Variants in LARP4B observed in about 807,000 individuals in gnomAD.
The protein encoded by LARP4B is la-related protein 4B.
In LARP4B, 12 loss-of-function variants were observed where a neutral mutation model predicts 89.8. The ratio of observed to expected loss-of-function variants is 0.13; its 90% CI spans 0.09 to 0.22. LARP4B has a LOEUF of 0.22. LARP4B is among the 10% of genes least tolerant of loss of function. The pLI is 1.00. For synonymous variants in LARP4B, 367 were observed against 363.3 expected (o/e 1.01, Z -0.12); for missense variants, 757 against 947.7 (o/e 0.80, Z 2.64).
At chr10:875,795 G>A (rs1378040777) in intron 3 of LARP4B, among the ~76,000 whole-genome samples, 3 of 152,104 alleles carry the variant, frequency 2.0e-5, no homozygotes, top group Non-Finnish European at 4.4e-5. Flanking sequence ...GCTGCTGCAC[G>A]GCGGACTGAT....
At chr10:936,662 G>T (rs915598670), upstream of LARP4B, among the ~76,000 whole-genome samples, 1 of 152,214 alleles carries the variant, frequency 6.6e-6, no homozygotes, top group Admixed American at 6.5e-5. Flanking sequence ...GGCTGAGGTT[G>T]CAGTGAGCGA....
At chr10:865,458 G>A (rs536825076) in intron 3 of LARP4B, among the ~76,000 whole-genome samples, 4 of 152,244 alleles carry the variant, frequency 2.6e-5, no homozygotes, top group East Asian at 3.9e-4. Flanking sequence ...CAGCCACAGC[G>A]CCCTCCTGTG....
intron 5 of LARP4B, among the ~76,000 whole-genome samples, chr10:852,699 A>G (rs1834118480): frequency 6.6e-6 from 1 of 152,222 alleles, no homozygotes. Context: ...TTCATTCTAA[A>G]ATAATCCAAT....
At position 863,792 on chromosome 10, in the gene LARP4B, G is replaced by T. The variant is rs761532757; in HGVS notation, c.381C>A (p.Leu127=). 12 of 1,613,946 alleles carry T rather than the reference G, an allele frequency of 7.4e-6. No individual in the cohort carries two copies. Among genetic ancestry groups the T allele is most frequent in the South Asian group, 2.2e-5 (2 of 91,064 alleles). Residue 127 remains leucine (L), a synonymous_variant, in exon 5 of 18, where the codon CTC becomes CTA. Coordinates refer to ENST00000316157, the MANE Select transcript of LARP4B (RefSeq NM_015155.3). ...AGTCATATTCTGAGGGACCCAGAGCGAGAGCGTTCATGTCTGCTGGGTCCG... is the reference window on the plus strand; with the variant it reads ...AGTCATATTCTGAGGGACCCAGAGCTAGAGCGTTCATGTCTGCTGGGTCCG... The part of the protein sequence containing the change: ...QESDPADMNA[L]ALGPSEYDSL...
At chr10:896,352 A>G (rs1454734160) in intron 1 of LARP4B, among the ~76,000 whole-genome samples, 1 of 152,230 alleles carries the variant, frequency 6.6e-6, no homozygotes, top group Non-Finnish European at 1.5e-5. Context: ...ATATTCATTT[A>G]TATGAAATGA....
At chr10:974,613 GC>G in the LARP4B span, among the ~76,000 whole-genome samples, 1 of 152,206 alleles carries the variant, frequency 6.6e-6, no homozygotes, top group South Asian at 2.1e-4. Flanking sequence ...GGAAAGCACT[GC>G]TCTGACCTGG....
In LARP4B at chr10:885,731, T is replaced by C. The variant is rs199522493; in HGVS notation, c.-10A>G. The C allele has an allele frequency of 9.3e-6, 15 of 1,611,718 alleles. No homozygotes were observed. In the Admixed American group the frequency reaches 2.0e-4, roughly 22 times the overall value. On this transcript the variant is annotated 5_prime_UTR_variant, in exon 2 of 18. Transcript: ENST00000316157. Reference sequence around the variant, plus strand: ...CCTGATCAGAAGTCATGGGCTCCACTGGGAGAAGTGTAATGCTAACCTCAG... The same window carrying C: ...CCTGATCAGAAGTCATGGGCTCCACCGGGAGAAGTGTAATGCTAACCTCAG...
chr10:880,034 A>G (rs1430767764), intron 3 of LARP4B, among the ~76,000 whole-genome samples: 2 of 152,018 alleles, frequency 1.3e-5, no homozygotes, highest in Admixed American at 6.6e-5. Flanking sequence ...TCAGCCTCCC[A>G]AAGTGCTGGG....
At chr10:942,340 G>GA in the LARP4B span, 1 of 152,212 alleles carries the variant, frequency 6.6e-6, no homozygotes, top group African/African-American at 2.4e-5. Context: ...ACCTTCCCAG[G>GA]ATCCCGATCC....
the LARP4B span, chr10:971,760 T>C: frequency 2.0e-5 from 3 of 152,418 alleles, no homozygotes; most frequent in African/African-American, 7.2e-5. Context: ...CACATGAGTC[T>C]ATTTGCTGAG....
chr10:977,614 C>T, the LARP4B span, among the ~76,000 whole-genome samples: 45 of 151,690 alleles, frequency 3.0e-4, no homozygotes, highest in African/African-American at 8.0e-4. Flanking sequence ...GGATTATAGG[C>T]GTGAGCCAAC....
chr10:882,918 G>A (rs1176635139), intron 3 of LARP4B, among the ~76,000 whole-genome samples: 1 of 152,172 alleles, frequency 6.6e-6, no homozygotes, highest in African/African-American at 2.4e-5. Context: ...AACTGGCTGA[G>A]CACTGCCACC....
At position 829,496 on chromosome 10, in the gene LARP4B, C is replaced by T. The variant is rs1056498691; in HGVS notation, c.1014G>A (p.Ala338=). The T allele has an allele frequency of 2.5e-6, 4 of 1,614,000 alleles. No homozygotes were observed. The highest frequency in any genetic ancestry group is 2.7e-5 in the African/African-American group (2 of 74,894). Residue 338 remains alanine (A), a synonymous_variant, in exon 11 of 18, where the codon GCG becomes GCA. Coordinates refer to ENST00000316157, the MANE Select transcript of LARP4B (RefSeq NM_015155.3). ...ACATGGGAGGGAAGTAGAACGACGT[C>T]GCGTAGCGCTGCTGGGCATACAGGC... ...DVSLYAQQRY[A]TSFYFPPMYS...
chr10:973,797 C>T, the LARP4B span, among the ~76,000 whole-genome samples: 3 of 152,104 alleles, frequency 2.0e-5, no homozygotes, highest in African/African-American at 7.2e-5. Context: ...AACAGCTTAG[C>T]CCTCATGAAT....
intron 1 of LARP4B, among the ~76,000 whole-genome samples, chr10:908,739 G>A (rs891982392): frequency 6.6e-6 from 1 of 152,166 alleles, no homozygotes; most frequent in African/African-American, 2.4e-5. Flanking sequence ...AGGAGGGAAA[G>A]GTCAAAAAAT....
chr10:919,276 T>C (rs551036458), intron 1 of LARP4B, among the ~76,000 whole-genome samples: 2 of 152,328 alleles, frequency 1.3e-5, no homozygotes, highest in East Asian at 3.9e-4. Context: ...CACAGAACGC[T>C]GACCCTCTCT....
chr10:908,241 G>A (rs978523028), intron 1 of LARP4B, among the ~76,000 whole-genome samples: 1 of 152,122 alleles, frequency 6.6e-6, no homozygotes, highest in Non-Finnish European at 1.5e-5. Context: ...ACTCGGTTTG[G>A]GGAGCTTCCA....
chr10:852,866 C>A (rs1342564377), intron 5 of LARP4B, among the ~76,000 whole-genome samples: 1 of 152,058 alleles, frequency 6.6e-6, no homozygotes, highest in Non-Finnish European at 1.5e-5. Context: ...AAATCACTTA[C>A]AATAGCACCA....
At chr10:918,922 T>C (rs1233308893) in intron 1 of LARP4B, among the ~76,000 whole-genome samples, 1 of 150,234 alleles carries the variant, frequency 6.7e-6, no homozygotes, top group Non-Finnish European at 1.5e-5. Context: ...TAAAAAAAAA[T>C]ACAAAAAAAT....
Sources: allele counts gnomAD v4.1 joint callset (sites outside exome capture counted in the v4.1 genomes callset), GRCh38; gene constraint gnomAD v4.1.1; transcripts MANE v1.5; gene names NCBI Gene and HGNC (gene_info 2026-07-23, HGNC 2026-07-21).